The following PLCB4 variants were observed in gnomAD, a reference collection of about 807,000 sequenced individuals.
The protein encoded by PLCB4 is phospholipase C beta 4.
In PLCB4, 77 loss-of-function variants were observed where a neutral mutation model predicts 178.8. The observed-to-expected ratio is 0.43, with a 90% CI of 0.36 to 0.52. PLCB4 has a LOEUF of 0.52. Among genes scored for constraint, PLCB4 ranks in the 20% least tolerant of loss-of-function variants. PLCB4 has a pLI of 0.00. For missense variants in PLCB4, 1,024 were observed against 1,453.4 expected (o/e 0.70, Z 4.80); for synonymous variants, 496 against 490.8 (o/e 1.01, Z -0.14).
intron 9 of PLCB4, among the ~76,000 whole-genome samples, chr20:9,370,406 G>A (rs1257773695): frequency 2.0e-5 from 3 of 152,066 alleles, no homozygotes; most frequent in Admixed American, 6.6e-5. Flanking sequence ...GTCTGATCAC[G>A]CCCGTGTCAA....
At chr20:9,422,056 A>T (rs1286056331) in intron 27 of PLCB4, among the ~76,000 whole-genome samples, 1 of 151,984 alleles carries the variant, frequency 6.6e-6, no homozygotes, top group African/African-American at 2.4e-5. Context: ...CCCTTGGTTT[A>T]TTTTTTGTCT....
At chr20:9,331,007 G>A (rs142147757) in intron 4 of PLCB4, among the ~76,000 whole-genome samples, 9 of 152,248 alleles carry the variant, frequency 5.9e-5, no homozygotes, top group Non-Finnish European at 1.0e-4. Context: ...CCTGTGAGTC[G>A]GTATCAGTTT....
At chr20:9,136,941 G>T (rs1343140061) in intron 2 of PLCB4, among the ~76,000 whole-genome samples, 1 of 152,030 alleles carries the variant, frequency 6.6e-6, no homozygotes, top group African/African-American at 2.4e-5. Flanking sequence ...ATGGGTTCAG[G>T]CAGTGGGAGC....
At chr20:9,270,805 G>T (rs946835035) in intron 3 of PLCB4, among the ~76,000 whole-genome samples, 6 of 151,792 alleles carry the variant, frequency 4.0e-5, no homozygotes, top group African/African-American at 1.5e-4. Flanking sequence ...GCCCATTTAT[G>T]CCACCTCAAT....
intron 13 of PLCB4, 145 bp from the exon 14 acceptor site, chr20:9,384,056 G>T: frequency 1.5e-6 from 1 of 645,428 alleles, no homozygotes; most frequent in Non-Finnish European, 2.8e-6. Context: ...TTTCATTCAA[G>T]TTCTGACAGA....
chr20:9,290,882 T>C (rs184596091), intron 3 of PLCB4, among the ~76,000 whole-genome samples: 2 of 152,222 alleles, frequency 1.3e-5, no homozygotes, highest in African/African-American at 4.8e-5. Flanking sequence ...AAAACTAATA[T>C]AAGCTAAGAA....
intron 2 of PLCB4, among the ~76,000 whole-genome samples, chr20:9,157,210 A>G (rs2092807124): frequency 6.8e-6 from 1 of 148,108 alleles, no homozygotes; most frequent in African/African-American, 2.5e-5. Flanking sequence ...AGGACAGAGA[A>G]AAATCATATG....
intron 16 of PLCB4, 124 bp from the exon 17 acceptor site, chr20:9,390,407 G>A (rs1236246232): frequency 1.8e-6 from 1 of 540,644 alleles, no homozygotes; most frequent in Admixed American, 3.4e-5. Context: ...TCTCACATTA[G>A]CATTAAGAGG....
chr20:9,202,708 C>T lies in PLCB4; in HGVS notation c.-78-14682C>T, dbSNP rs145706321. Among the ~76,000 whole-genome samples, 444 of 152,206 alleles carry T rather than the reference C, an allele frequency of 2.9e-3. 2 individuals are homozygous for T. The highest frequency in any genetic ancestry group is 0.01 in the African/African-American group (428 of 41,518). ...TGCTGACAAAGGCTGGGATCTTGTC[C>T]TGCAACTTCGAATTTGTAGATATAT... is the stretch of plus-strand genomic sequence containing the variant. On this transcript the variant is annotated intron_variant, in intron 2 of 39. Coordinates refer to ENST00000378473, the MANE Select transcript of PLCB4 (RefSeq NM_001377142.1).
chr20:9,176,506 A>G (rs1288993330), intron 2 of PLCB4, among the ~76,000 whole-genome samples: 1 of 152,214 alleles, frequency 6.6e-6, no homozygotes, highest in South Asian at 2.1e-4. Context: ...ATTATCAGAC[A>G]AATAGAAAAA....
intron 19 of PLCB4, among the ~76,000 whole-genome samples, chr20:9,398,047 A>G (rs1158631402): frequency 6.6e-6 from 1 of 152,136 alleles, no homozygotes; most frequent in Non-Finnish European, 1.5e-5. Flanking sequence ...TGACCATAGT[A>G]TCCCTGTGGC....
intron 3 of PLCB4, among the ~76,000 whole-genome samples, chr20:9,280,899 G>A (rs1470304428): frequency 6.7e-6 from 1 of 149,696 alleles, no homozygotes; most frequent in Non-Finnish European, 1.5e-5. Context: ...TTCAGCAAAG[G>A]AAGGAGACAG....
intron 7 of PLCB4, 111 bp from the exon 8 acceptor site, chr20:9,362,785 G>T (rs1340777049): frequency 1.0e-5 from 7 of 695,924 alleles, no homozygotes; most frequent in Non-Finnish European, 1.8e-5. Flanking sequence ...AGGGACAAAA[G>T]AAGAGTTTGT....
chr20:9,479,254 T>A lies in PLCB4; in HGVS notation c.*245T>A, dbSNP rs1407815041. ...CAGTAAGGCAGAGTCCAACCATTGA[T>A]AATACAACTTAAACATGTTTGCTAT... On this transcript the variant is annotated 3_prime_UTR_variant, in exon 40 of 40. Coordinates refer to ENST00000378473, the MANE Select transcript of PLCB4 (RefSeq NM_001377142.1). 8.0e-6 allele frequency: 4 copies of A among 500,246 alleles called. No individual in the cohort carries two copies. Among genetic ancestry groups the A allele is most frequent in the Non-Finnish European group, 1.4e-5 (4 of 277,972 alleles). The allele number at this position is 500,246 out of a possible 1,614,324, so 31.0% of individuals were successfully genotyped here. A position where few individuals can be genotyped will look rare whatever the true frequency, so the allele number is the denominator to read the frequency against.
chr20:9,303,447 G>T (rs1171843109), intron 3 of PLCB4, among the ~76,000 whole-genome samples: 1 of 152,086 alleles, frequency 6.6e-6, no homozygotes, highest in African/African-American at 2.4e-5. Context: ...TTGTCTTTCT[G>T]TATTTGGCTT....
chr20:9,144,082 C>T (rs968054214), intron 2 of PLCB4, among the ~76,000 whole-genome samples: 17 of 152,140 alleles, frequency 1.1e-4, no homozygotes, highest in Non-Finnish European at 8.8e-5. Flanking sequence ...TTTGGTATCA[C>T]TTTTATCTTT....
At chr20:9,170,671 T>C (rs2147035869) in intron 2 of PLCB4, among the ~76,000 whole-genome samples, 1 of 152,332 alleles carries the variant, frequency 6.6e-6, no homozygotes, top group African/African-American at 2.4e-5. Context: ...GTAATAATGA[T>C]AATTCATGAC....
chr20:9,178,448 A>G (rs2093190715), intron 2 of PLCB4, among the ~76,000 whole-genome samples: 1 of 152,104 alleles, frequency 6.6e-6, no homozygotes, highest in Admixed American at 6.5e-5. Flanking sequence ...ATCAGCACTT[A>G]TGTGAAGAAA....
chr20:9,110,335 A>C (rs2091529891), intron 2 of PLCB4, among the ~76,000 whole-genome samples: 1 of 152,202 alleles, frequency 6.6e-6, no homozygotes, highest in Non-Finnish European at 1.5e-5. Flanking sequence ...ATAGGATTTA[A>C]ACATCTTTCA....
Sources: allele counts gnomAD v4.1 joint callset (sites outside exome capture counted in the v4.1 genomes callset), GRCh38; gene constraint gnomAD v4.1.1; transcripts MANE v1.5; gene names NCBI Gene and HGNC (gene_info 2026-07-23, HGNC 2026-07-21).